Variants in RNASEL observed in about 807,000 individuals in gnomAD.
RNASEL encodes ribonuclease L.
Under a neutral mutation model 50.9 loss-of-function variants are expected in RNASEL, and 36 were observed. The observed-to-expected ratio is 0.71, with a 90% CI of 0.54 to 0.93. RNASEL has a LOEUF of 0.93. RNASEL is among the 40% of genes least tolerant of loss of function. RNASEL has a pLI of 0.00. For missense variants in RNASEL, 860 were observed against 894.5 expected, an observed-to-expected ratio of 0.96 and a Z score of 0.49; for synonymous variants, 335 against 335.6, an observed-to-expected ratio of 1.00 and a Z score of 0.02.
Position 182,586,814 on chromosome 1 carries a change from A to G in RNASEL, c.-8T>C. On this transcript the variant is annotated 5_prime_UTR_variant, in exon 2 of 7. Transcript: ENST00000367559. ...ATGATCCCTGCTCTCCATGACGGTA[A>G]ATGCCACCTGCTACCACTTTTAGCC... 2 of 1,614,028 alleles carry G rather than the reference A, an allele frequency of 1.2e-6. No individual in the cohort carries two copies. Among genetic ancestry groups the G allele is most frequent in the South Asian group, 2.2e-5 (2 of 91,082 alleles).
rs189744833 is a variant in RNASEL at position 182,579,624 on chromosome 1, G to A, written c.1905+1601C>T. 7 of 1,154,378 alleles carry A rather than the reference G, an allele frequency of 6.1e-6. No individual in the cohort carries two copies. The East Asian group carries it at 4.3e-4, about 71-fold the overall frequency. The allele number at this position is 1,154,378 out of a possible 1,614,324, so 71.5% of individuals were successfully genotyped here. A position where few individuals can be genotyped will look rare whatever the true frequency, so the allele number is the denominator to read the frequency against. ...ATTAATTGTGTGACCATGAAAATGG[G>A]CAAGTCAACAGAAAAACAAAGTGTA... On this transcript the variant is annotated intron_variant, in intron 5 of 6. Transcript: ENST00000367559.
In RNASEL at chr1:182,573,935, T is replaced by G. The variant is rs1213657840; in HGVS notation, c.*1457A>C. ...ATGATTCATGGAAAGAACATCAGAC[T>G]TAGCACCAGAAAATTTGTTCAAATC... On this transcript the variant is annotated 3_prime_UTR_variant, in exon 7 of 7. Transcript: ENST00000367559. 1 of 200,230 alleles carries G rather than the reference T, an allele frequency of 5.0e-6. No individual in the cohort carries two copies. Among genetic ancestry groups the G allele is most frequent in the African/African-American group, 2.3e-5 (1 of 43,648 alleles). 12.4% of individuals were successfully genotyped at this position (200,230 alleles called of 1,614,324 possible).
chr1:182,579,260 G>A (rs1661447040), intron 5 of RNASEL: 7 of 985,704 alleles, frequency 7.1e-6, no homozygotes, highest in Non-Finnish European at 7.2e-6. Context: ...CTTGCCTGCA[G>A]GTGTCCCAGG....
chr1:182,578,977 C>T (rs569895135), intron 5 of RNASEL: 1 of 152,638 alleles, frequency 6.6e-6, no homozygotes, highest in Admixed American at 6.5e-5. Context: ...GACTTACAAA[C>T]AGAAAGTCAA....
chr1:182,578,569 T>C (rs1661433136), intron 5 of RNASEL: 1 of 152,240 alleles, frequency 6.6e-6, no homozygotes. Flanking sequence ...TTCTCATGCC[T>C]CAGCCGCCCA....
chr1:182,579,831 T>A, intron 5 of RNASEL: 1 of 742,664 alleles, frequency 1.3e-6, no homozygotes, highest in Non-Finnish European at 2.0e-6. Flanking sequence ...TCTCTGAGCC[T>A]CAATTTCCTC....
chr1:182,581,445 GT>G (rs1661494230), intron 4 of RNASEL, 88 bp from the exon 5 acceptor site: 1 of 652,268 alleles, frequency 1.5e-6, no homozygotes, highest in Non-Finnish European at 2.4e-6. Context: ...AGATTTTGGT[GT>G]TTTTTGTGCT....
chr1:182,576,478 T>TTGAATATA, intron 5 of RNASEL, 89 bp from the exon 6 acceptor site: 1 of 981,274 alleles, frequency 1.0e-6, no homozygotes, highest in Non-Finnish European at 1.5e-6. Context: ...AAATATAAAT[T>TTGAATATA]TGAATATATT....
chr1:182,585,359 TG>T lies in RNASEL; in HGVS notation c.1447del (p.His483ThrfsTer10). 6.2e-7 allele frequency: 1 copy of T among 1,614,140 alleles called. No homozygotes were observed. The highest frequency in any genetic ancestry group is 2.2e-5 in the East Asian group (1 of 44,876). ...GATGTTTTGTGGTTGCAGATCCTGG[TG>T]GGTGTATCCACAGGACAAGTGTAGT... is the stretch of plus-strand genomic sequence containing the variant. Reference protein sequence around the residue: ...QELHLSCGYTHQDLQPQNILI... With the variant: ...QELHLSCGYTXQDLQPQNILI... On this transcript the variant is annotated frameshift_variant, in exon 2 of 7. Transcript: ENST00000367559. LOFTEE classifies it high-confidence loss of function.
chr1:182,576,177 G>A (rs543454293), intron 6 of RNASEL, 79 bp downstream of exon 6: 71 of 1,459,360 alleles, frequency 4.9e-5, no homozygotes, highest in African/African-American at 4.8e-4. Flanking sequence ...TTTTTCCATC[G>A]TAGATATAAA....
chr1:182,579,210 C>G, intron 5 of RNASEL: 1 of 978,060 alleles, frequency 1.0e-6, no homozygotes, highest in Non-Finnish European at 1.2e-6. Flanking sequence ...ATACTAGTAC[C>G]CTCTAAAATT....
chr1:182,581,076 G>A (rs566584441), intron 5 of RNASEL, 149 bp downstream of exon 5: 805 of 1,147,824 alleles, frequency 7.0e-4, no homozygotes, highest in Non-Finnish European at 9.8e-4. Flanking sequence ...GGGAGCCTAG[G>A]GGGATAGGGA....
At chr1:182,576,233 G>A in intron 6 of RNASEL, 23 bp downstream of exon 6, 1 of 1,597,772 alleles carries the variant, frequency 6.3e-7, no homozygotes, top group Non-Finnish European at 8.6e-7. Flanking sequence ...CATATAATTT[G>A]TAGGAATGAA....
intron 2 of RNASEL, 99 bp downstream of exon 2, chr1:182,585,228 C>T (rs1393946706): frequency 8.7e-7 from 1 of 1,154,110 alleles, no homozygotes; most frequent in Non-Finnish European, 1.3e-6. Context: ...GAATCATCCA[C>T]ATTTACTCTA....
chr1:182,588,981 G>A (rs767697656), intron 1 of RNASEL, among the ~76,000 whole-genome samples, 186 bp downstream of exon 1: 13 of 152,310 alleles, frequency 8.5e-5, no homozygotes, highest in South Asian at 2.1e-4. Flanking sequence ...GATAAATGAC[G>A]TGTGGACTCT....
Position 182,585,595 on chromosome 1 carries a change from T to A in RNASEL, c.1212A>T (p.Glu404Asp). 6.2e-7 allele frequency: 1 copy of A among 1,614,204 alleles called. No homozygotes were observed. ...CTCGGCTGCTTTGCAGACAAGAGAC[T>A]TCCCGCTGTGCACGTGGGCTGCCCT... is the stretch of plus-strand genomic sequence containing the variant. ...FCEGSPRAQR[E>D]VSCLQSSREN... The change falls in exon 2 of 7, where the codon GAA (glutamate) becomes GAT (aspartate). Residue 404 changes from glutamate (E) to aspartate (D), a missense_variant. Physicochemically the swap from Glu to Asp is conservative, Grantham distance 45 (BLOSUM62 2). Transcript: ENST00000367559.
rs148741721 is a variant in RNASEL at position 182,586,165 on chromosome 1, G to T, written c.642C>A (p.Asp214Glu). Reference sequence around the variant, plus strand: ...GCGTAATAGCCTCCACATCACTATCGTCAGAGCTCAGGAGAGCATGGATCA... The same window carrying T: ...GCGTAATAGCCTCCACATCACTATCTTCAGAGCTCAGGAGAGCATGGATCA... ...NALIHALLSS[D>E]DSDVEAITHL... The change falls in exon 2 of 7, where the codon GAC becomes GAA. Residue 214 changes from aspartate (D) to glutamate (E), a missense_variant. By Grantham distance (45) the Asp-to-Glu change is conservative. Coordinates refer to ENST00000367559, the MANE Select transcript of RNASEL (RefSeq NM_021133.4). The T allele has an allele frequency of 6.2e-7, 1 of 1,614,110 alleles. No individual in the cohort carries two copies. Among genetic ancestry groups the T allele is most frequent in the East Asian group, 2.2e-5 (1 of 44,880 alleles).
intron 5 of RNASEL, among the ~76,000 whole-genome samples, chr1:182,577,789 A>G (rs997270157): frequency 2.6e-5 from 4 of 152,336 alleles, no homozygotes; most frequent in East Asian, 1.9e-4. Flanking sequence ...AAATAGACAC[A>G]TAGATCAATG....
chr1:182,589,250 C>T lies in RNASEL; in HGVS notation c.-248G>A, dbSNP rs1273206736. 6.6e-6 allele frequency: 1 copy of T among 152,278 alleles called. No homozygotes were observed. Among genetic ancestry groups the T allele is most frequent in the Non-Finnish European group, 1.5e-5 (1 of 68,076 alleles). The allele number at this position is 152,278 out of a possible 1,614,324, so 9.4% of individuals were successfully genotyped here. ...TTGCAGCCCGAGCAGTTTCCTCCTG[C>T]TGCGTCACTGAGTCAGCAGGGCGGA... On this transcript the variant is annotated 5_prime_UTR_variant, in exon 1 of 7. Coordinates refer to ENST00000367559, the MANE Select transcript of RNASEL (RefSeq NM_021133.4).
Sources: gnomAD v4.1 joint callset for allele counts (sites outside exome capture counted in the v4.1 genomes callset) on GRCh38, gnomAD v4.1.1 for gene constraint, MANE v1.5 for transcripts, NCBI Gene and HGNC (gene_info 2026-07-23, HGNC 2026-07-21) for gene names.